The following CPED1 variants were observed in gnomAD, a reference collection of about 807,000 sequenced individuals.
CPED1 encodes the protein cadherin-like and PC-esterase domain-containing protein 1.
CPED1 carries 114 observed loss-of-function variants against 128.2 expected under a neutral mutation model. The ratio of observed to expected loss-of-function variants is 0.89; its 90% CI spans 0.76 to 1.04. The LOEUF is 1.04. Among genes scored for constraint, CPED1 ranks in the 50% least tolerant of loss-of-function variants. CPED1 has a pLI of 0.00. For missense variants in CPED1, 1,211 were observed against 1,207.1 expected, an observed-to-expected ratio of 1.00 and a Z score of -0.05; for synonymous variants, 462 against 426.7, an observed-to-expected ratio of 1.08 and a Z score of -1.02.
chr7:121,071,958 C>G (rs2116091166), intron 5 of CPED1, among the ~76,000 whole-genome samples: 1 of 152,206 alleles, frequency 6.6e-6, no homozygotes, highest in East Asian at 1.9e-4. Context: ...TTTTGGCCTT[C>G]CTCATTCCTT....
intron 22 of CPED1, among the ~76,000 whole-genome samples, chr7:121,276,196 G>T (rs1255897180): frequency 6.6e-6 from 1 of 152,076 alleles, no homozygotes; most frequent in Non-Finnish European, 1.5e-5. Flanking sequence ...CTTAGAGGGA[G>T]AATTAATATT....
At chr7:121,013,740 A>G (rs1289766090) in intron 2 of CPED1, among the ~76,000 whole-genome samples, 1 of 152,234 alleles carries the variant, frequency 6.6e-6, no homozygotes, top group African/African-American at 2.4e-5. Context: ...TGCTCTGTCT[A>G]TGAATTTTCA....
chr7:121,059,388 C>A (rs933226165), intron 4 of CPED1, among the ~76,000 whole-genome samples: 1 of 152,146 alleles, frequency 6.6e-6, no homozygotes, highest in African/African-American at 2.4e-5. Context: ...GTCATTAATT[C>A]TTTTCATTGT....
At chr7:121,042,244 T>C (rs892209648) in intron 3 of CPED1, among the ~76,000 whole-genome samples, 1 of 152,158 alleles carries the variant, frequency 6.6e-6, no homozygotes, top group Non-Finnish European at 1.5e-5. Flanking sequence ...TCCTTTTATA[T>C]AGGAAGATTT....
intron 16 of CPED1, among the ~76,000 whole-genome samples, chr7:121,193,994 A>AGC (rs1797205299): frequency 8.2e-6 from 1 of 121,252 alleles, no homozygotes; most frequent in Non-Finnish European, 1.7e-5. Flanking sequence ...TGGATGAGCA[A>AGC]GCTCTCTCTC....
intron 5 of CPED1, among the ~76,000 whole-genome samples, chr7:121,073,807 A>ATTTT (rs34082656): frequency 2.0e-4 from 27 of 134,302 alleles, no homozygotes; most frequent in African/African-American, 7.2e-4. Flanking sequence ...ACCTCTTCCC[A>ATTTT]TTTTTTTTTT....
intron 2 of CPED1, among the ~76,000 whole-genome samples, chr7:121,008,248 G>C (rs1431557645): frequency 6.6e-6 from 1 of 152,112 alleles, no homozygotes; most frequent in Non-Finnish European, 1.5e-5. Context: ...TACGTATAAA[G>C]ACCAGCATAG....
chr7:121,184,138 C>T (rs1300040876), intron 16 of CPED1, among the ~76,000 whole-genome samples: 1 of 103,648 alleles, frequency 9.6e-6, no homozygotes, highest in Non-Finnish European at 2.1e-5. Flanking sequence ...GAGACTCTGT[C>T]TCAAAAAAAA....
At chr7:121,199,041 A>C (rs1194252218) in intron 16 of CPED1, among the ~76,000 whole-genome samples, 1 of 152,200 alleles carries the variant, frequency 6.6e-6, no homozygotes, top group African/African-American at 2.4e-5. Flanking sequence ...ATGAGTGCCC[A>C]AAACTATTGA....
chr7:121,249,690 T>C (rs1412011092), intron 18 of CPED1, among the ~76,000 whole-genome samples: 1 of 151,990 alleles, frequency 6.6e-6, no homozygotes, highest in East Asian at 1.9e-4. Flanking sequence ...GTGCTGAACA[T>C]GGAATTAAAA....
intron 5 of CPED1, among the ~76,000 whole-genome samples, chr7:121,083,001 ACTGT>A (rs766952594): frequency 1.1e-3 from 165 of 152,282 alleles, no homozygotes; most frequent in Non-Finnish European, 1.8e-3. Flanking sequence ...AAGGCAGAAG[ACTGT>A]CTGTCTTTCT....
At chr7:121,128,259 A>G (rs934590442) in intron 10 of CPED1, 123 bp from the exon 11 acceptor site, 16 of 621,574 alleles carry the variant, frequency 2.6e-5, no homozygotes, top group African/African-American at 2.0e-4. Flanking sequence ...ATTATTTAAC[A>G]TTAATTAGCT....
At chr7:121,183,689 A>G (rs1160881599) in intron 16 of CPED1, among the ~76,000 whole-genome samples, 3 of 152,168 alleles carry the variant, frequency 2.0e-5, no homozygotes, top group African/African-American at 7.2e-5. Context: ...ACATAATGAT[A>G]TTAGTTTTCT....
intron 18 of CPED1, among the ~76,000 whole-genome samples, chr7:121,254,293 C>T (rs1798753984): frequency 6.6e-6 from 1 of 152,040 alleles, no homozygotes; most frequent in Non-Finnish European, 1.5e-5. Context: ...TATTAAACAA[C>T]TTGCTCCTGA....
At chr7:121,139,208 A>C (rs1435666664) in intron 14 of CPED1, among the ~76,000 whole-genome samples, 1 of 152,042 alleles carries the variant, frequency 6.6e-6, no homozygotes, top group East Asian at 1.9e-4. Context: ...TTAATGAAGC[A>C]GAGAGTTTAC....
intron 12 of CPED1, among the ~76,000 whole-genome samples, chr7:121,131,318 G>C (rs1277191689): frequency 6.6e-6 from 1 of 151,986 alleles, no homozygotes; most frequent in Non-Finnish European, 1.5e-5. Context: ...TCAATACCTG[G>C]AAGTAGTAGG....
At chr7:121,206,578 G>A (rs1197516181) in intron 16 of CPED1, among the ~76,000 whole-genome samples, 3 of 151,740 alleles carry the variant, frequency 2.0e-5, no homozygotes, top group African/African-American at 7.3e-5. Flanking sequence ...AGACATCACA[G>A]TTTGGTATAT....
chr7:121,247,595 G>A (rs772315362), intron 18 of CPED1, among the ~76,000 whole-genome samples: 18 of 152,290 alleles, frequency 1.2e-4, no homozygotes, highest in Non-Finnish European at 2.1e-4. Flanking sequence ...CCCTGAATGG[G>A]TCCCGGGGAA....
At chr7:121,021,725 G>A (rs1168836547) in intron 3 of CPED1, among the ~76,000 whole-genome samples, 1 of 151,892 alleles carries the variant, frequency 6.6e-6, no homozygotes, top group Non-Finnish European at 1.5e-5. Context: ...GAAAGTCTTG[G>A]TATTCTCATC....
Sources: gnomAD v4.1 joint callset for allele counts (sites outside exome capture counted in the v4.1 genomes callset) on GRCh38, gnomAD v4.1.1 for gene constraint, MANE v1.5 for transcripts, NCBI Gene and HGNC (gene_info 2026-07-23, HGNC 2026-07-21) for gene names.